KCNQ1: variants seen among roughly 807,000 people sequenced by gnomAD.
KCNQ1 encodes the protein potassium voltage-gated channel subfamily KQT member 1.
A neutral mutation model predicts 72.4 loss-of-function variants in KCNQ1; 49 were observed. That is an observed-to-expected ratio of 0.68 (90% CI 0.54 to 0.86). The LOEUF is 0.86. Among genes scored for constraint, KCNQ1 ranks in the 40% least tolerant of loss-of-function variants. The pLI, the probability that KCNQ1 is intolerant of heterozygous loss-of-function variation, is 0.00. For synonymous variants in KCNQ1, 450 were observed against 412.6 expected, an observed-to-expected ratio of 1.09 and a Z score of -1.10; for missense variants, 790 against 945.1, an observed-to-expected ratio of 0.84 and a Z score of 2.15.
intron 11 of KCNQ1, among the ~76,000 whole-genome samples, chr11:2,702,974 T>C (rs9971538): frequency 0.014 from 2,186 of 152,034 alleles, 55 homozygotes; most frequent in African/African-American, 0.05. Context: ...TCTAGTCCTT[T>C]GGGGGAAGAG....
chr11:2,822,521 G>T (rs1301476023), intron 15 of KCNQ1, among the ~76,000 whole-genome samples: 1 of 152,218 alleles, frequency 6.6e-6, no homozygotes, highest in African/African-American at 2.4e-5. Flanking sequence ...AATAAGTTGT[G>T]AGCCTACCTA....
chr11:2,571,292 C>A (rs1200193156), intron 3 of KCNQ1, 33 bp from the exon 4 acceptor site: 1 of 1,581,114 alleles, frequency 6.3e-7, no homozygotes, highest in Non-Finnish European at 8.7e-7. Flanking sequence ...CTGTGGCGAT[C>A]ACGAAAAGCT....
chr11:2,690,506 G>A lies in KCNQ1; in HGVS notation c.1514+28425G>A, dbSNP rs548326000. 1.0e-5 allele frequency: 4 copies of A among 398,658 alleles called. No individual in the cohort carries two copies. In the East Asian group the frequency reaches 1.4e-4, roughly 14 times the overall value. 24.7% of individuals were successfully genotyped at this position (398,658 alleles called of 1,614,324 possible). A position where few individuals can be genotyped will look rare whatever the true frequency, so the allele number is the denominator to read the frequency against. On this transcript the variant is annotated intron_variant, in intron 11 of 15. Transcript: ENST00000155840. The surrounding 1 kb of genome is among the most constrained non-coding windows in gnomAD (Gnocchi z 5.1). Reference sequence around the variant, plus strand: ...ACTGGGCCCAGTCGGGGGGGTCTCAGCACCTATCACAAAGAAAGTGCCACT... The same window carrying A: ...ACTGGGCCCAGTCGGGGGGGTCTCAACACCTATCACAAAGAAAGTGCCACT...
At chr11:2,649,841 C>T in intron 10 of KCNQ1, 1 of 398,502 alleles carries the variant, frequency 2.5e-6, no homozygotes. Flanking sequence ...CTTTCTCTCC[C>T]AAACTTTGGC....
chr11:2,662,011 AC>A lies in KCNQ1; in HGVS notation c.1446del (p.Asn483ThrfsTer15), dbSNP rs794728558. 2 of 1,614,150 alleles carry A rather than the reference AC, an allele frequency of 1.2e-6. No individual in the cohort carries two copies. The highest frequency in any genetic ancestry group is 3.3e-5 in the Admixed American group (2 of 60,026). On this transcript the variant is annotated frameshift_variant, in exon 11 of 16. Coordinates refer to ENST00000155840, the MANE Select transcript of KCNQ1 (RefSeq NM_000218.3). LOFTEE classifies it high-confidence loss of function. Reference protein sequence around the residue: ...LEVSMPHFMRTNSFAEDLDLE... With the variant: ...LEVSMPHFMRXNSFAEDLDLE... ...AGTGAGCATGCCCCATTTCATGAGA[AC>A]CAACAGCTTCGCCGAGGACCTGGAC...
Position 2,544,246 on chromosome 11 carries a change from G to GTATATATA in KCNQ1, c.477+16229_477+16230insATATATAT. Among the ~76,000 whole-genome samples, 1 of 144,998 alleles carries GTATATATA rather than the reference G, an allele frequency of 6.9e-6. No individual in the cohort carries two copies. Among genetic ancestry groups the GTATATATA allele is most frequent in the African/African-American group, 2.7e-5 (1 of 37,054 alleles). ...ATCTCATATATATATATGTGTGTGT[G>GTATATATA]TGTATATATATATGTGTGTGTGTGT... On this transcript the variant is annotated intron_variant, in intron 2 of 15. Transcript: ENST00000155840. The surrounding 1 kb of genome is among the most constrained non-coding windows in gnomAD (Gnocchi z 4.4).
At chr11:2,777,312 AC>A (rs1846725733) in intron 14 of KCNQ1, among the ~76,000 whole-genome samples, 1 of 142,282 alleles carries the variant, frequency 7.0e-6, no homozygotes, top group Non-Finnish European at 1.5e-5. Flanking sequence ...GGAAACATGA[AC>A]CCAGGGCAAC....
intron 10 of KCNQ1, chr11:2,639,073 T>C (rs1189281980): frequency 6.6e-6 from 1 of 152,206 alleles, no homozygotes; most frequent in Admixed American, 6.5e-5. Flanking sequence ...ATCATGTCAT[T>C]TAAGGACTTC....
chr11:2,619,219 A>G (rs1849122099), intron 10 of KCNQ1: 1 of 398,502 alleles, frequency 2.5e-6, no homozygotes, highest in South Asian at 1.3e-4. Flanking sequence ...TATGTTGAGT[A>G]GTAGTAGCTA....
At position 2,720,907 on chromosome 11, in the gene KCNQ1, C is replaced by A. The variant is rs1446895921; in HGVS notation, c.1515-47937C>A. Among the ~76,000 whole-genome samples the A allele has an allele frequency of 6.6e-6, 1 of 152,070 alleles. No homozygotes were observed. The highest frequency in any genetic ancestry group is 1.9e-4 in the East Asian group (1 of 5,172). ...CTCGAGGCCACTGGGGACTTGGCTACCTGAGGGAGATGAGGTTGTTCCCAG... is the reference window on the plus strand; with the variant it reads ...CTCGAGGCCACTGGGGACTTGGCTAACTGAGGGAGATGAGGTTGTTCCCAG... On this transcript the variant is annotated intron_variant, in intron 11 of 15. Coordinates refer to ENST00000155840, the MANE Select transcript of KCNQ1 (RefSeq NM_000218.3). This position sits in a 1 kb window ranked among gnomAD's most constrained non-coding sequence, Gnocchi z 5.1.
intron 10 of KCNQ1, chr11:2,655,906 G>C (rs993436085): frequency 2.5e-6 from 1 of 398,602 alleles, no homozygotes; most frequent in African/African-American, 2.1e-5. Context: ...GGCCCCATAT[G>C]CCGTTCCCAG....
In KCNQ1 at chr11:2,681,215, A is replaced by C. The variant is rs193054095; in HGVS notation, c.1514+19134A>C. On this transcript the variant is annotated intron_variant, in intron 11 of 15. Transcript: ENST00000155840. ...TTTTTGCAGTGTTTGTGTTCTATGAAGAGTGGGTAGAAGGAAGCAGGAGAG... is the reference window on the plus strand; with the variant it reads ...TTTTTGCAGTGTTTGTGTTCTATGACGAGTGGGTAGAAGGAAGCAGGAGAG... The C allele has an allele frequency of 3.8e-4, 151 of 398,626 alleles. 1 individual carries two copies. Among genetic ancestry groups the C allele is most frequent in the African/African-American group, 2.7e-3 (134 of 48,746 alleles). The allele number at this position is 398,626 out of a possible 1,614,324, so 24.7% of individuals were successfully genotyped here.
rs891122622 is a variant in KCNQ1, at chr11:2,762,035, G to A, written c.1515-6809G>A. 3.9e-5 allele frequency among the ~76,000 whole-genome samples: 6 copies of A among 152,340 alleles called. No homozygotes were observed. The highest frequency in any genetic ancestry group is 6.8e-3 in the Middle Eastern group (2 of 294). Reference sequence around the variant, plus strand: ...GCGGTCATGGCCACAGGCTCCCAAGGCCCTAAGTGACAGCCAGTGGTAGAC... The same window carrying A: ...GCGGTCATGGCCACAGGCTCCCAAGACCCTAAGTGACAGCCAGTGGTAGAC... On this transcript the variant is annotated intron_variant, in intron 11 of 15. Coordinates refer to ENST00000155840, the MANE Select transcript of KCNQ1 (RefSeq NM_000218.3). This position sits in a 1 kb window ranked among gnomAD's most constrained non-coding sequence, Gnocchi z 4.3.
At chr11:2,731,902 C>CT (rs1466662758) in intron 11 of KCNQ1, among the ~76,000 whole-genome samples, 45 of 152,230 alleles carry the variant, frequency 3.0e-4, no homozygotes, top group Admixed American at 2.9e-3. Context: ...TCTGAGGGCC[C>CT]TTTGGATGAA....
At chr11:2,628,909 A>C (rs1332206514) in intron 10 of KCNQ1, 1 of 398,266 alleles carries the variant, frequency 2.5e-6, no homozygotes, top group Non-Finnish European at 4.4e-6. Flanking sequence ...GTCTTTGTCA[A>C]AGATTAGTTG....
chr11:2,677,338 T>C lies in KCNQ1; in HGVS notation c.1514+15257T>C, dbSNP rs1349312705. 7.5e-6 allele frequency: 3 copies of C among 398,450 alleles called. No individual in the cohort carries two copies. In the Admixed American group the frequency reaches 1.3e-4, roughly 18 times the overall value. 24.7% of individuals were successfully genotyped at this position (398,450 alleles called of 1,614,324 possible). A position where few individuals can be genotyped will look rare whatever the true frequency, so the allele number is the denominator to read the frequency against. Reference sequence around the variant, plus strand: ...AAATGATGTCAAATGATTTCTCAAATAGAGACTGGGCAGAGTAGACCAGTT... The same window carrying C: ...AAATGATGTCAAATGATTTCTCAAACAGAGACTGGGCAGAGTAGACCAGTT... On this transcript the variant is annotated intron_variant, in intron 11 of 15. Coordinates refer to ENST00000155840, the MANE Select transcript of KCNQ1 (RefSeq NM_000218.3). The surrounding 1 kb of genome is among the most constrained non-coding windows in gnomAD (Gnocchi z 4.5).
chr11:2,519,610 A>G (rs1847345754), intron 1 of KCNQ1, among the ~76,000 whole-genome samples: 1 of 139,916 alleles, frequency 7.1e-6, no homozygotes, highest in Admixed American at 7.3e-5. Flanking sequence ...ACAGAACAAG[A>G]CTCTGTCTCA....
At chr11:2,469,147 C>T (rs1346120644) in intron 1 of KCNQ1, among the ~76,000 whole-genome samples, 1 of 152,210 alleles carries the variant, frequency 6.6e-6, no homozygotes, top group African/African-American at 2.4e-5. Flanking sequence ...CCTGGTGACT[C>T]ACTGTGTGGG....
At position 2,663,082 on chromosome 11, in the gene KCNQ1, A is replaced by C; in HGVS notation, c.1514+1001A>C. On this transcript the variant is annotated intron_variant, in intron 11 of 15. Transcript: ENST00000155840. The surrounding 1 kb of genome is among the most constrained non-coding windows in gnomAD (Gnocchi z 5.2). ...CTGGCAGGGTTGGGTAGCCAGAATG[A>C]GGCCACCTCCAGGGAAGGAGTGGCT... The C allele has an allele frequency of 2.5e-6, 1 of 398,694 alleles. No individual in the cohort carries two copies. 24.7% of individuals were successfully genotyped at this position (398,694 alleles called of 1,614,324 possible).
Sources: gnomAD v4.1 joint callset for allele counts (sites outside exome capture counted in the v4.1 genomes callset) on GRCh38, gnomAD v4.1.1 for gene constraint, Gnocchi (gnomAD v3.1) non-coding constraint, MANE v1.5 for transcripts, NCBI Gene and HGNC (gene_info 2026-07-23, HGNC 2026-07-21) for gene names.